The following NEGR1 variants were observed in gnomAD, a reference collection of about 807,000 sequenced individuals.
NEGR1 encodes the protein IgLON family member 4.
NEGR1 carries 10 observed loss-of-function variants against 40.9 expected under a neutral mutation model. That is an observed-to-expected ratio of 0.24 (90% confidence interval 0.15 to 0.42). NEGR1 has a LOEUF of 0.42. Ranked by LOEUF, NEGR1 falls within the 10% of genes least tolerant of loss-of-function variation. NEGR1 has a pLI of 1.00. For missense variants in NEGR1, 352 were observed against 438.9 expected (o/e 0.80, Z 1.77); for synonymous variants, 185 against 166.8 (o/e 1.11, Z -0.84).
intron 1 of NEGR1, among the ~76,000 whole-genome samples, chr1:71,942,998 GTGTGTGTATATATA>G (rs1048524176): frequency 2.5e-5 from 3 of 122,236 alleles, no homozygotes; most frequent in Admixed American, 1.7e-4. Context: ...GTATATATAT[GTGTGTGTATATATA>G]TATGTGTATA....
At chr1:72,219,526 A>C (rs1653941232) in intron 1 of NEGR1, among the ~76,000 whole-genome samples, 1 of 152,000 alleles carries the variant, frequency 6.6e-6, no homozygotes, top group East Asian at 1.9e-4. Context: ...AGTTATATCC[A>C]TGTCTGCCAT....
At chr1:71,419,080 A>G (rs1646375734) in intron 6 of NEGR1, among the ~76,000 whole-genome samples, 1 of 152,162 alleles carries the variant, frequency 6.6e-6, no homozygotes, top group South Asian at 2.1e-4. Context: ...AGTAGGATGG[A>G]GTCCAGTTAT....
chr1:71,856,099 T>C (rs1659752284), intron 2 of NEGR1, among the ~76,000 whole-genome samples: 1 of 152,000 alleles, frequency 6.6e-6, no homozygotes, highest in South Asian at 2.1e-4. Context: ...AAAATGTAGA[T>C]ATTTATTAAG....
In NEGR1 at chr1:71,825,243, G is replaced by A. The variant is rs144327180; in HGVS notation, c.410-48946C>T. On this transcript the variant is annotated intron_variant, in intron 2 of 6. Transcript: ENST00000357731. The stretch of plus-strand genomic sequence containing the variant: ...TTTGCATTTTCTAGATGGCTAATGA[G>A]GTAGAGCTTCTTTTCATATGTAAAT... 1.8e-4 allele frequency among the ~76,000 whole-genome samples: 27 copies of A among 152,028 alleles called. 1 individual carries two copies. In the East Asian group the frequency reaches 5.3e-3, roughly 30 times the overall value.
chr1:71,815,105 C>T (rs1312857366), intron 2 of NEGR1, among the ~76,000 whole-genome samples: 1 of 151,988 alleles, frequency 6.6e-6, no homozygotes, highest in Non-Finnish European at 1.5e-5. Flanking sequence ...AGTATGTTGT[C>T]TCTTTGCTCT....
chr1:71,708,841 GTT>G (rs1438747631), intron 3 of NEGR1, among the ~76,000 whole-genome samples: 3 of 152,154 alleles, frequency 2.0e-5, no homozygotes, highest in Non-Finnish European at 4.4e-5. Flanking sequence ...AACATGCAGT[GTT>G]TGGTTTTCTG....
intron 1 of NEGR1, among the ~76,000 whole-genome samples, chr1:72,193,035 T>C (rs1182645765): frequency 6.6e-6 from 1 of 151,770 alleles, no homozygotes; most frequent in Non-Finnish European, 1.5e-5. Context: ...GAAATACTAG[T>C]AAATGATGGA....
chr1:71,661,837 A>G (rs1328323044), intron 4 of NEGR1, among the ~76,000 whole-genome samples: 1 of 152,228 alleles, frequency 6.6e-6, no homozygotes, highest in Non-Finnish European at 1.5e-5. Context: ...AAGAAACTGT[A>G]TCATGGAGAT....
intron 1 of NEGR1, among the ~76,000 whole-genome samples, chr1:72,092,807 G>A (rs1648548881): frequency 6.6e-6 from 1 of 151,834 alleles, no homozygotes; most frequent in African/African-American, 2.4e-5. Context: ...TGCACCACCA[G>A]TCCCAGCTAA....
intron 6 of NEGR1, among the ~76,000 whole-genome samples, chr1:71,495,078 A>G (rs562754341): frequency 6.6e-6 from 1 of 152,342 alleles, no homozygotes; most frequent in East Asian, 1.9e-4. Flanking sequence ...AAAATACAGT[A>G]TCTAACACAC....
chr1:72,064,526 G>A (rs191812963), intron 1 of NEGR1, among the ~76,000 whole-genome samples: 9 of 152,146 alleles, frequency 5.9e-5, no homozygotes, highest in East Asian at 3.9e-4. Flanking sequence ...GAGCACCAAC[G>A]GCTTTCACTA....
chr1:71,506,546 G>A (rs1647036017), intron 6 of NEGR1, among the ~76,000 whole-genome samples: 1 of 151,944 alleles, frequency 6.6e-6, no homozygotes. Flanking sequence ...GCCAGGAAGT[G>A]GTTAACATAT....
intron 1 of NEGR1, among the ~76,000 whole-genome samples, chr1:72,179,310 T>C (rs1652281347): frequency 6.6e-6 from 1 of 152,014 alleles, no homozygotes. Flanking sequence ...ATCAGATGGT[T>C]GTAGGTGTGC....
At chr1:71,469,221 C>T (rs1054227613) in intron 6 of NEGR1, among the ~76,000 whole-genome samples, 6 of 151,884 alleles carry the variant, frequency 4.0e-5, no homozygotes, top group African/African-American at 9.7e-5. Context: ...TGCAACTAAA[C>T]GATGTGTCTT....
chr1:71,697,965 T>G, intron 4 of NEGR1, 43 bp downstream of exon 4: 2 of 1,570,144 alleles, frequency 1.3e-6, no homozygotes, highest in Non-Finnish European at 1.7e-6. Context: ...AGGTGTTTTA[T>G]CTTTTCTCAG....
chr1:71,679,219 T>C (rs951245046), intron 4 of NEGR1, among the ~76,000 whole-genome samples: 1 of 152,172 alleles, frequency 6.6e-6, no homozygotes, highest in East Asian at 1.9e-4. Flanking sequence ...TGGAGTCTTC[T>C]CGAATTCTTG....
At chr1:72,099,446 G>A (rs1280513714) in intron 1 of NEGR1, among the ~76,000 whole-genome samples, 1 of 151,908 alleles carries the variant, frequency 6.6e-6, no homozygotes, top group African/African-American at 2.4e-5. Flanking sequence ...AATGGAAAAT[G>A]CAAAAATACA....
chr1:72,195,464 A>T (rs1218648144), intron 1 of NEGR1, among the ~76,000 whole-genome samples: 1 of 152,048 alleles, frequency 6.6e-6, no homozygotes, highest in Non-Finnish European at 1.5e-5. Context: ...GTAATAATTC[A>T]GATTTTTTTC....
chr1:72,260,131 T>C (rs1402261408), intron 1 of NEGR1, among the ~76,000 whole-genome samples: 2 of 152,102 alleles, frequency 1.3e-5, no homozygotes, highest in Non-Finnish European at 2.9e-5. Flanking sequence ...TTTATCATTT[T>C]GAACCATGGC....
Sources: allele counts gnomAD v4.1 joint callset (sites outside exome capture counted in the v4.1 genomes callset), GRCh38; gene constraint gnomAD v4.1.1; transcripts MANE v1.5; gene names NCBI Gene and HGNC (gene_info 2026-07-23, HGNC 2026-07-21).